Variants in ERP27 observed in about 807,000 individuals in gnomAD.
The protein encoded by ERP27 is endoplasmic reticulum protein 27.
Under a neutral mutation model 27.7 loss-of-function variants are expected in ERP27, and 23 were observed. That is an observed-to-expected ratio of 0.83 (90% CI 0.60 to 1.18). ERP27 has a LOEUF of 1.18. ERP27 is among the 50% of genes most tolerant of loss of function. ERP27 has a pLI of 0.00. For missense variants in ERP27, 363 were observed against 327.9 expected, an observed-to-expected ratio of 1.11 and a Z score of -0.83; for synonymous variants, 159 against 118.3, an observed-to-expected ratio of 1.34 and a Z score of -2.23.
chr12:14,934,841 A>G lies in ERP27; in HGVS notation c.333+15T>C. 1 of 1,613,680 alleles carries G rather than the reference A, an allele frequency of 6.2e-7. No homozygotes were observed. ...GAAAATCTGGGAGAAAGCTCAAGCTACCCACCCAACTTACCAGGCGAAAGA... is the reference window on the plus strand; with the variant it reads ...GAAAATCTGGGAGAAAGCTCAAGCTGCCCACCCAACTTACCAGGCGAAAGA... On this transcript the variant is annotated intron_variant, in intron 3 of 6. Transcript: ENST00000266397.
intron 3 of ERP27, among the ~76,000 whole-genome samples, chr12:14,933,459 A>C (rs542372942): frequency 6.6e-6 from 1 of 152,300 alleles, no homozygotes; most frequent in East Asian, 1.9e-4. Context: ...AGCCATGCAG[A>C]CCTGGATAAA....
intron 3 of ERP27, chr12:14,928,996 A>G (rs969642076): frequency 1.3e-6 from 2 of 1,535,178 alleles, no homozygotes; most frequent in African/African-American, 1.4e-5. Context: ...TGCTATTGCA[A>G]CCACCAAAAT....
At chr12:14,934,354 A>G (rs969763446) in intron 3 of ERP27, among the ~76,000 whole-genome samples, 5 of 152,120 alleles carry the variant, frequency 3.3e-5, no homozygotes, top group Non-Finnish European at 1.5e-5. Flanking sequence ...TGCATATTAT[A>G]TATACAATAC....
intron 3 of ERP27, among the ~76,000 whole-genome samples, chr12:14,928,453 G>A (rs1863643686): frequency 6.6e-6 from 1 of 152,064 alleles, no homozygotes; most frequent in Admixed American, 6.6e-5. Flanking sequence ...CACCCCTTAT[G>A]GTTAATTTTA....
At chr12:14,923,472 A>C (rs1306327066) in intron 3 of ERP27, among the ~76,000 whole-genome samples, 1 of 146,112 alleles carries the variant, frequency 6.8e-6, no homozygotes, top group East Asian at 2.0e-4. Flanking sequence ...TTACTATATA[A>C]TATCTATCTA....
chr12:14,935,633 C>T (rs1863762328), intron 2 of ERP27, among the ~76,000 whole-genome samples: 1 of 152,170 alleles, frequency 6.6e-6, no homozygotes, highest in South Asian at 2.1e-4. Flanking sequence ...GGCCCAGATG[C>T]CTGTGGTTGC....
intron 5 of ERP27, 127 bp downstream of exon 5, chr12:14,917,051 A>G (rs922525375): frequency 9.5e-7 from 1 of 1,050,732 alleles, no homozygotes; most frequent in Admixed American, 2.4e-5. Context: ...ATTATGTCCT[A>G]CTTCTTGCTT....
chr12:14,914,494 T>A lies in ERP27; in HGVS notation c.*241A>T. On this transcript the variant is annotated 3_prime_UTR_variant, in exon 7 of 7. Coordinates refer to ENST00000266397, the MANE Select transcript of ERP27 (RefSeq NM_152321.4). ...GATAAGAAGGAAATTGGATAGGGAGTGAGGATATGAAATTTAAAAGAAGGA... is the reference window on the plus strand; with the variant it reads ...GATAAGAAGGAAATTGGATAGGGAGAGAGGATATGAAATTTAAAAGAAGGA... 2 of 501,538 alleles carry A rather than the reference T, an allele frequency of 4.0e-6. No homozygotes were observed. Among genetic ancestry groups the A allele is most frequent in the Admixed American group, 3.8e-5 (1 of 26,630 alleles). 31.1% of individuals were successfully genotyped at this position (501,538 alleles called of 1,614,324 possible).
At chr12:14,934,153 G>T (rs919232217) in intron 3 of ERP27, among the ~76,000 whole-genome samples, 1 of 152,030 alleles carries the variant, frequency 6.6e-6, no homozygotes, top group African/African-American at 2.4e-5. Flanking sequence ...AGTGAGATTG[G>T]CCTGTTTATT....
chr12:14,923,654 T>C (rs892394251), intron 3 of ERP27, among the ~76,000 whole-genome samples: 1 of 152,062 alleles, frequency 6.6e-6, no homozygotes, highest in African/African-American at 2.4e-5. Context: ...TTATTGTTAT[T>C]GACAAATTGA....
Position 14,914,449 on chromosome 12 carries a change from C to A in ERP27, c.*286G>T. On this transcript the variant is annotated 3_prime_UTR_variant, in exon 7 of 7. Transcript: ENST00000266397. The stretch of plus-strand genomic sequence containing the variant: ...TTGATCTAGGTGTGTTACAGATGGG[C>A]TTACAGAGTATGAATGCACGATAAG... 2.3e-6 allele frequency: 1 copy of A among 428,020 alleles called. No individual in the cohort carries two copies. The highest frequency in any genetic ancestry group is 4.2e-6 in the Non-Finnish European group (1 of 239,964). 26.5% of individuals were successfully genotyped at this position (428,020 alleles called of 1,614,324 possible). A position where few individuals can be genotyped will look rare whatever the true frequency, so the allele number is the denominator to read the frequency against.
intron 3 of ERP27, among the ~76,000 whole-genome samples, chr12:14,925,266 G>C (rs1460049613): frequency 6.6e-6 from 1 of 152,174 alleles, no homozygotes; most frequent in Non-Finnish European, 1.5e-5. Context: ...AGGAACTATA[G>C]TGAGGAAACC....
At chr12:14,930,986 A>G (rs1409674699) in intron 3 of ERP27, among the ~76,000 whole-genome samples, 2 of 152,344 alleles carry the variant, frequency 1.3e-5, no homozygotes, top group East Asian at 1.9e-4. Context: ...GAGGGACATT[A>G]GATAGAATTC....
intron 3 of ERP27, 118 bp downstream of exon 3, chr12:14,934,738 C>T (rs946478929): frequency 1.6e-6 from 2 of 1,267,114 alleles, no homozygotes; most frequent in African/African-American, 1.5e-5. Context: ...AACAATGTCC[C>T]TGAATTTGGT....
intron 3 of ERP27, among the ~76,000 whole-genome samples, chr12:14,923,486 A>ATC (rs1565450633): frequency 7.7e-4 from 91 of 118,330 alleles, no homozygotes; most frequent in African/African-American, 2.9e-3. Flanking sequence ...CTATCTATCT[A>ATC]TAATCAATCT....
In ERP27 at chr12:14,937,999, TG is replaced by T; in HGVS notation, c.147del (p.Met50TrpfsTer12). ...ACCTCAGTGGCAGCAATGAATTCCA[TG>T]GCAGCTGGGACATCTGTGAGCCACG... ...EPTWLTDVPAAMEFIAATEVA... is the reference protein window; with the variant it reads ...EPTWLTDVPAXMEFIAATEVA... On this transcript the variant is annotated frameshift_variant, in exon 2 of 7. Coordinates refer to ENST00000266397, the MANE Select transcript of ERP27 (RefSeq NM_152321.4). LOFTEE classifies it high-confidence loss of function. The T allele has an allele frequency of 1.2e-6, 2 of 1,614,068 alleles. No individual in the cohort carries two copies. Among genetic ancestry groups the T allele is most frequent in the Non-Finnish European group, 1.7e-6 (2 of 1,179,974 alleles).
chr12:14,930,879 T>A (rs1252530064), intron 3 of ERP27, among the ~76,000 whole-genome samples: 1 of 152,220 alleles, frequency 6.6e-6, no homozygotes, highest in Admixed American at 6.5e-5. Context: ...AGATTAAATC[T>A]TGATAAATAA....
intron 3 of ERP27, among the ~76,000 whole-genome samples, chr12:14,934,522 G>T (rs535804790): frequency 2.0e-5 from 3 of 152,242 alleles, no homozygotes; most frequent in Non-Finnish European, 4.4e-5. Flanking sequence ...AGCTCAAAGT[G>T]ACCTTAGAGA....
At chr12:14,918,181 C>A (rs557205918) in intron 4 of ERP27, among the ~76,000 whole-genome samples, 2 of 152,242 alleles carry the variant, frequency 1.3e-5, no homozygotes, top group South Asian at 4.1e-4. Flanking sequence ...GACTAATTCT[C>A]CAAGAGTCAA....
Sources: gnomAD v4.1 joint callset for allele counts (sites outside exome capture counted in the v4.1 genomes callset) on GRCh38, gnomAD v4.1.1 for gene constraint, MANE v1.5 for transcripts, NCBI Gene and HGNC (gene_info 2026-07-23, HGNC 2026-07-21) for gene names.